The following SLC2A9 variants were observed in gnomAD, a reference collection of about 807,000 sequenced individuals.
The protein encoded by SLC2A9 is solute carrier family 2 member 9.
SLC2A9 carries 39 observed loss-of-function variants against 50.6 expected under a neutral mutation model. The ratio of observed to expected loss-of-function variants is 0.77; its 90% confidence interval spans 0.60 to 1.01. The LOEUF is 1.01. Among genes scored for constraint, SLC2A9 ranks in the 50% least tolerant of loss-of-function variants. The pLI, the probability that SLC2A9 is intolerant of heterozygous loss-of-function variation, is 0.00. For missense variants in SLC2A9, 686 were observed against 677.6 expected (o/e 1.01, Z -0.14); for synonymous variants, 324 against 276.9 (o/e 1.17, Z -1.69).
intron 3 of SLC2A9, among the ~76,000 whole-genome samples, chr4:9,781,279 C>T (rs538924652): frequency 6.6e-6 from 1 of 152,322 alleles, no homozygotes; most frequent in East Asian, 1.9e-4. Flanking sequence ...GATTGGGACT[C>T]GGGTCTGTGG....
intron 2 of SLC2A9, among the ~76,000 whole-genome samples, chr4:10,010,540 G>T (rs976853910): frequency 7.2e-5 from 11 of 152,158 alleles, no homozygotes; most frequent in Admixed American, 3.9e-4. Flanking sequence ...TGTGAAGTTT[G>T]GCCTAAATGG....
At chr4:9,825,577 T>A (rs1447420751), downstream of SLC2A9, among the ~76,000 whole-genome samples, 1 of 152,074 alleles carries the variant, frequency 6.6e-6, no homozygotes, top group Admixed American at 6.6e-5. Context: ...TTTAGAATCA[T>A]CCTCAACATT....
intron 2 of SLC2A9, among the ~76,000 whole-genome samples, chr4:10,014,471 T>G (rs560086816): frequency 1.3e-5 from 2 of 152,162 alleles, no homozygotes; most frequent in Non-Finnish European, 1.5e-5. Flanking sequence ...GCCTGGGTGG[T>G]GCTGGATCAT....
At chr4:9,842,408 T>C (rs1728224353) in intron 10 of SLC2A9, among the ~76,000 whole-genome samples, 1 of 152,246 alleles carries the variant, frequency 6.6e-6, no homozygotes, top group Admixed American at 6.5e-5. Context: ...ACCTTTACTT[T>C]TGTGGACTTT....
At chr4:9,982,330 C>T (rs375699037) in intron 4 of SLC2A9, among the ~76,000 whole-genome samples, 15 of 152,332 alleles carry the variant, frequency 9.8e-5, no homozygotes, top group African/African-American at 3.6e-4. Context: ...CATGAAGTCT[C>T]CAAGTCCTGG....
At chr4:9,992,863 A>G (rs912465452) in intron 3 of SLC2A9, among the ~76,000 whole-genome samples, 14 of 152,282 alleles carry the variant, frequency 9.2e-5, no homozygotes, top group Admixed American at 4.6e-4. Flanking sequence ...TGTAAATTTG[A>G]TCTCGTTCCA....
intron 10 of SLC2A9, among the ~76,000 whole-genome samples, chr4:9,865,926 A>G (rs750322855): frequency 6.6e-6 from 1 of 152,234 alleles, no homozygotes; most frequent in Non-Finnish European, 1.5e-5. Flanking sequence ...CAAACAGAGC[A>G]TTTCAAAGCA....
intron 3 of SLC2A9, among the ~76,000 whole-genome samples, chr4:9,992,129 T>C (rs778695687): frequency 6.6e-6 from 1 of 152,210 alleles, no homozygotes; most frequent in African/African-American, 2.4e-5. Context: ...CGAACCTCCA[T>C]CCTTCTTCTG....
Position 10,011,056 on chromosome 4 carries a change from TC to T in SLC2A9, c.249+7918del, listed in dbSNP as rs77580471. Among the ~76,000 whole-genome samples, 3 of 152,296 alleles carry T rather than the reference TC, an allele frequency of 2.0e-5. No homozygotes were observed. The East Asian group carries it at 5.8e-4, about 29-fold the overall frequency. Reference sequence around the variant, plus strand: ...CACCTCAATAGTTGCTTCTCATGGATCAGCTACTCTTGAACCCCTCACCCTT... The same window carrying T: ...CACCTCAATAGTTGCTTCTCATGGATAGCTACTCTTGAACCCCTCACCCTT... On this transcript the variant is annotated intron_variant, in intron 2 of 11. Coordinates refer to ENST00000264784, the MANE Select transcript of SLC2A9 (RefSeq NM_020041.3).
intron 6 of SLC2A9, among the ~76,000 whole-genome samples, chr4:9,933,758 G>A (rs188550598): frequency 2.6e-5 from 4 of 152,142 alleles, no homozygotes; most frequent in Non-Finnish European, 5.9e-5. Flanking sequence ...ATTGAGTGTT[G>A]CAGGGCTGTG....
chr4:10,012,105 G>A (rs1761862485), intron 2 of SLC2A9, among the ~76,000 whole-genome samples: 1 of 152,208 alleles, frequency 6.6e-6, no homozygotes, highest in Non-Finnish European at 1.5e-5. Flanking sequence ...AGTTGCAACA[G>A]AGACCATATG....
At chr4:9,907,507 C>T (rs1473614443) in intron 8 of SLC2A9, among the ~76,000 whole-genome samples, 2 of 152,180 alleles carry the variant, frequency 1.3e-5, no homozygotes, top group East Asian at 3.8e-4. Context: ...TAAGGTCTTC[C>T]TCTCTATTAT....
chr4:9,922,545 T>A (rs1744129675), intron 6 of SLC2A9, among the ~76,000 whole-genome samples: 1 of 152,158 alleles, frequency 6.6e-6, no homozygotes, highest in Non-Finnish European at 1.5e-5. Context: ...TATATGTTCA[T>A]AAAGTGGGTG....
chr4:9,859,033 A>G (rs1731181187), intron 10 of SLC2A9, among the ~76,000 whole-genome samples: 1 of 151,706 alleles, frequency 6.6e-6, no homozygotes, highest in Admixed American at 6.6e-5. Flanking sequence ...TTTGCCAGGG[A>G]CTCTCGGGTC....
chr4:9,850,549 C>G (rs1241277884), intron 10 of SLC2A9, among the ~76,000 whole-genome samples: 5 of 152,154 alleles, frequency 3.3e-5, no homozygotes, highest in African/African-American at 4.8e-5. Context: ...GATGCCCAAC[C>G]AGGGTGCTTC....
chr4:10,011,197 A>AGGCTCT (rs1761709386), intron 2 of SLC2A9, among the ~76,000 whole-genome samples: 1 of 152,132 alleles, frequency 6.6e-6, no homozygotes, highest in Non-Finnish European at 1.5e-5. Context: ...ATCTTCCTGT[A>AGGCTCT]GGCTCTGTGG....
intron 4 of SLC2A9, among the ~76,000 whole-genome samples, chr4:9,981,531 G>A (rs1392260240): frequency 6.6e-6 from 1 of 152,188 alleles, no homozygotes; most frequent in Non-Finnish European, 1.5e-5. Flanking sequence ...GCACAGAAAA[G>A]TTGAGTAACT....
intron 8 of SLC2A9, among the ~76,000 whole-genome samples, chr4:9,891,199 G>T (rs1023676575): frequency 3.3e-5 from 5 of 152,162 alleles, no homozygotes; most frequent in African/African-American, 1.2e-4. Flanking sequence ...ATTTCATTGT[G>T]GGATGTGATG....
chr4:9,958,085 T>A (rs1751612824), intron 5 of SLC2A9, among the ~76,000 whole-genome samples: 1 of 152,206 alleles, frequency 6.6e-6, no homozygotes. Context: ...AGATTTCTCA[T>A]CAGCAATGTC....
Sources: allele counts gnomAD v4.1 joint callset (sites outside exome capture counted in the v4.1 genomes callset), GRCh38; gene constraint gnomAD v4.1.1; transcripts MANE v1.5; gene names NCBI Gene and HGNC (gene_info 2026-07-23, HGNC 2026-07-21).